Variants in AOPEP observed in about 807,000 individuals in gnomAD.
AOPEP encodes the protein aminopeptidase O.
A neutral mutation model predicts 98.1 loss-of-function variants in AOPEP; 77 were observed. The ratio of observed to expected loss-of-function variants is 0.78; its 90% confidence interval spans 0.65 to 0.95. AOPEP has a LOEUF of 0.95. Ranked by LOEUF, AOPEP falls within the 40% of genes least tolerant of loss-of-function variation. AOPEP has a pLI of 0.00. For synonymous variants in AOPEP, 346 were observed against 365.3 expected (o/e 0.95, Z 0.60); for missense variants, 1,024 against 1,024.7 (o/e 1.00, Z 0.01).
chr9:94,979,503 G>A (rs1166470347), intron 11 of AOPEP, 76 bp downstream of exon 11: 2 of 889,270 alleles, frequency 2.2e-6, no homozygotes, highest in South Asian at 1.4e-5. Flanking sequence ...AATCATGACA[G>A]TGATTTCTTA....
chr9:95,038,320 C>T (rs2065006719), intron 13 of AOPEP, among the ~76,000 whole-genome samples: 1 of 152,218 alleles, frequency 6.6e-6, no homozygotes, highest in South Asian at 2.1e-4. Context: ...TGTTTTCCAG[C>T]AGCTGCAATT....
chr9:95,078,867 A>G (rs2069384861), intron 14 of AOPEP, among the ~76,000 whole-genome samples: 1 of 152,228 alleles, frequency 6.6e-6, no homozygotes, highest in Non-Finnish European at 1.5e-5. Context: ...AGTTTCTTCT[A>G]GCGGCTTCCT....
At chr9:94,906,859 A>G (rs562640227) in intron 5 of AOPEP, among the ~76,000 whole-genome samples, 6 of 152,254 alleles carry the variant, frequency 3.9e-5, no homozygotes, top group South Asian at 2.1e-4. Context: ...TCCACCTTCT[A>G]TGTCCTGTTT....
intron 1 of AOPEP, among the ~76,000 whole-genome samples, chr9:94,750,752 C>CT (rs1564064909): frequency 2.8e-5 from 4 of 143,534 alleles, no homozygotes; most frequent in Non-Finnish European, 6.1e-5. Flanking sequence ...CTTTTCTTTT[C>CT]TTTCTTTTTT....
chr9:94,772,199 T>C (rs931917373), intron 2 of AOPEP, among the ~76,000 whole-genome samples: 7 of 152,232 alleles, frequency 4.6e-5, no homozygotes, highest in Non-Finnish European at 7.3e-5. Context: ...CTGAGTTTTT[T>C]ATGAGGAGTC....
intron 3 of AOPEP, among the ~76,000 whole-genome samples, chr9:94,783,762 G>A (rs1254655000): frequency 6.6e-6 from 1 of 151,958 alleles, no homozygotes; most frequent in Admixed American, 6.6e-5. Flanking sequence ...AAGTGTACAT[G>A]TTTCTGAATA....
intron 5 of AOPEP, among the ~76,000 whole-genome samples, chr9:94,820,334 C>T (rs951372829): frequency 5.9e-5 from 9 of 152,012 alleles, no homozygotes; most frequent in Non-Finnish European, 1.3e-4. Context: ...TTGTATTAAC[C>T]CCCTGTGTTC....
At chr9:94,948,713 T>C (rs1248611293) in intron 7 of AOPEP, among the ~76,000 whole-genome samples, 1 of 152,172 alleles carries the variant, frequency 6.6e-6, no homozygotes, top group Non-Finnish European at 1.5e-5. Flanking sequence ...AAGCAGCAGT[T>C]CCCACATAGC....
At chr9:95,048,572 G>A (rs1376256197) in intron 13 of AOPEP, among the ~76,000 whole-genome samples, 1 of 152,086 alleles carries the variant, frequency 6.6e-6, no homozygotes, top group Non-Finnish European at 1.5e-5. Flanking sequence ...GGCCGCGGCG[G>A]CCGGGACCAG....
At chr9:94,841,416 C>T (rs555789352) in intron 5 of AOPEP, among the ~76,000 whole-genome samples, 12 of 152,304 alleles carry the variant, frequency 7.9e-5, no homozygotes, top group South Asian at 2.1e-4. Context: ...TCAGGTGATC[C>T]GCCTGCCTTG....
chr9:94,789,871 C>T (rs1845266958), intron 3 of AOPEP, among the ~76,000 whole-genome samples: 2 of 129,884 alleles, frequency 1.5e-5, no homozygotes, highest in African/African-American at 6.1e-5. Flanking sequence ...AGTATGCCTT[C>T]AACTTGTTCT....
chr9:94,766,107 G>A lies in AOPEP; in HGVS notation c.797+5527G>A, dbSNP rs546819158. Among the ~76,000 whole-genome samples, 22 of 152,230 alleles carry A rather than the reference G, an allele frequency of 1.4e-4. 1 individual carries two copies. In the South Asian group the frequency reaches 4.6e-3, roughly 32 times the overall value. ...TCAAGAAAGGAATGGGACTTAATAT[G>A]TTTTTAATTCTAGATCTTTGGTATA... On this transcript the variant is annotated intron_variant, in intron 2 of 16. Coordinates refer to ENST00000375315, the MANE Select transcript of AOPEP (RefSeq NM_001193329.3).
At chr9:95,028,510 T>C (rs1057481510) in intron 13 of AOPEP, among the ~76,000 whole-genome samples, 1 of 152,348 alleles carries the variant, frequency 6.6e-6, no homozygotes, top group South Asian at 2.1e-4. Context: ...GAAATTCTTT[T>C]ATGTACACAG....
chr9:94,756,527 A>C (rs1227998326), intron 1 of AOPEP, among the ~76,000 whole-genome samples: 1 of 152,184 alleles, frequency 6.6e-6, no homozygotes, highest in Non-Finnish European at 1.5e-5. Flanking sequence ...AATAGGGTGT[A>C]ATCATTGAAG....
intron 7 of AOPEP, among the ~76,000 whole-genome samples, chr9:94,929,423 C>T (rs867376453): frequency 6.6e-6 from 1 of 152,252 alleles, no homozygotes; most frequent in Non-Finnish European, 1.5e-5. Flanking sequence ...AACGCAAATG[C>T]ACCCCAGGGA....
intron 5 of AOPEP, among the ~76,000 whole-genome samples, chr9:94,833,227 C>A (rs1439422581): frequency 3.5e-5 from 5 of 142,714 alleles, no homozygotes; most frequent in Non-Finnish European, 6.0e-5. Context: ...TGAGCCACCA[C>A]ACCCGTCCTT....
intron 1 of AOPEP, among the ~76,000 whole-genome samples, chr9:94,727,196 C>T (rs1829404361): frequency 6.6e-6 from 1 of 152,212 alleles, no homozygotes; most frequent in Non-Finnish European, 1.5e-5. Context: ...CTTCTTCCCC[C>T]GGAGGATCTT....
At chr9:95,113,849 C>T in the AOPEP span, 2 of 152,348 alleles carry the variant, frequency 1.3e-5, no homozygotes, top group Admixed American at 6.5e-5. Flanking sequence ...GTCTCGATCT[C>T]CTGACCTTGT....
intron 1 of AOPEP, among the ~76,000 whole-genome samples, chr9:94,737,751 T>C (rs1832100069): frequency 6.6e-6 from 1 of 152,158 alleles, no homozygotes; most frequent in Admixed American, 6.5e-5. Context: ...CAAGATGTGG[T>C]GTGCTTAAGA....
Sources: gnomAD v4.1 joint callset for allele counts (sites outside exome capture counted in the v4.1 genomes callset) on GRCh38, gnomAD v4.1.1 for gene constraint, MANE v1.5 for transcripts, NCBI Gene and HGNC (gene_info 2026-07-23, HGNC 2026-07-21) for gene names.